The following ADRA1A variants were observed in gnomAD, a reference collection of about 807,000 sequenced individuals.
ADRA1A encodes the protein alpha-1A adrenergic receptor.
A neutral mutation model predicts 29.6 loss-of-function variants in ADRA1A; 31 were observed. The observed-to-expected ratio is 1.05, with a 90% CI of 0.79 to 1.41. The LOEUF is 1.41. ADRA1A is among the 40% of genes most tolerant of loss of function. ADRA1A has a pLI of 0.00. For synonymous variants in ADRA1A, 311 were observed against 254.3 expected, an observed-to-expected ratio of 1.22 and a Z score of -2.12; for missense variants, 619 against 601.1, an observed-to-expected ratio of 1.03 and a Z score of -0.31.
At chr8:26,813,489 T>TATCC (rs35199156) in intron 2 of ADRA1A, among the ~76,000 whole-genome samples, 15,440 of 149,882 alleles carry the variant, frequency 0.1, 900 homozygotes, top group Middle Eastern at 0.16. Context: ...CTCTTGCATC[T>TATCC]ATCCATCCAT....
At chr8:26,791,424 T>C (rs1240371954) in intron 2 of ADRA1A, among the ~76,000 whole-genome samples, 1 of 152,136 alleles carries the variant, frequency 6.6e-6, no homozygotes, top group Non-Finnish European at 1.5e-5. Context: ...CTTATACTTA[T>C]CCAGCAGTGA....
chr8:26,770,544 C>G lies in ADRA1A; in HGVS notation c.1006G>C (p.Ala336Pro). 6.2e-7 allele frequency: 1 copy of G among 1,614,130 alleles called. No homozygotes were observed. Among genetic ancestry groups the G allele is most frequent in the Non-Finnish European group, 8.5e-7 (1 of 1,180,016 alleles). The change falls in exon 3 of 3, where the codon GCC becomes CCC. Residue 336 changes from alanine to proline, a missense_variant. Transcript: ENST00000380573. Reference protein sequence around the residue: ...YPCSSQEFKKAFQNVLRIQCL... With the variant: ...YPCSSQEFKKPFQNVLRIQCL... ...TGGATTCTCAAGACATTCTGAAAGG[C>G]CTTTTTGAACTCTTGGCTGGAGCAT...
intron 2 of ADRA1A, among the ~76,000 whole-genome samples, chr8:26,838,958 C>T (rs2130688718): frequency 6.6e-6 from 1 of 152,278 alleles, no homozygotes; most frequent in East Asian, 1.9e-4. Context: ...TAGCTCTATC[C>T]TGGACAAGTC....
chr8:26,783,223 T>G (rs1297285779), intron 2 of ADRA1A, among the ~76,000 whole-genome samples: 3 of 152,180 alleles, frequency 2.0e-5, no homozygotes, highest in African/African-American at 4.8e-5. Flanking sequence ...ATATGAAAAC[T>G]TATTAGGCCC....
chr8:26,756,662 G>A, exon 3 of ADRA1A: 1 of 1,608,746 alleles, frequency 6.2e-7, no homozygotes, highest in Non-Finnish European at 8.5e-7. Context: ...GGCTCCTGGG[G>A]TGGATTCCAA....
At chr8:26,812,285 T>A (rs1304488734) in intron 2 of ADRA1A, among the ~76,000 whole-genome samples, 1 of 152,206 alleles carries the variant, frequency 6.6e-6, no homozygotes, top group Non-Finnish European at 1.5e-5. Flanking sequence ...ATTTTTCTTC[T>A]GAGGCTTTTC....
At chr8:26,766,424 C>T (rs1470895335), downstream of ADRA1A, among the ~76,000 whole-genome samples, 1 of 152,164 alleles carries the variant, frequency 6.6e-6, no homozygotes, top group Non-Finnish European at 1.5e-5. Flanking sequence ...TAATCACATT[C>T]CAGGCCATTA....
At chr8:26,822,891 CT>C (rs1810278786) in intron 2 of ADRA1A, among the ~76,000 whole-genome samples, 1 of 152,110 alleles carries the variant, frequency 6.6e-6, no homozygotes, top group South Asian at 2.1e-4. Flanking sequence ...GTGCCACACA[CT>C]TTTAATAAAC....
chr8:26,830,696 A>G (rs1294640814), intron 2 of ADRA1A, among the ~76,000 whole-genome samples: 1 of 152,206 alleles, frequency 6.6e-6, no homozygotes, highest in African/African-American at 2.4e-5. Context: ...CACAGTCATC[A>G]CAGCTGCCAA....
intron 2 of ADRA1A, among the ~76,000 whole-genome samples, chr8:26,774,598 G>A (rs1806407730): frequency 1.3e-5 from 2 of 151,834 alleles, no homozygotes; most frequent in Non-Finnish European, 2.9e-5. Context: ...GAGCCCGGGA[G>A]GTAGAAGTTG....
Position 26,831,425 on chromosome 8 carries a change from G to T in ADRA1A, c.883+32662C>A, listed in dbSNP as rs1810966015. Among the ~76,000 whole-genome samples the T allele has an allele frequency of 6.6e-6, 1 of 152,092 alleles. No individual in the cohort carries two copies. Among genetic ancestry groups the T allele is most frequent in the Non-Finnish European group, 1.5e-5 (1 of 68,020 alleles). On this transcript the variant is annotated intron_variant, in intron 2 of 2. Coordinates refer to ENST00000380573, the MANE Select transcript of ADRA1A (RefSeq NM_000680.4). This position sits in a 1 kb window ranked among gnomAD's most constrained non-coding sequence, Gnocchi z 5.2. The stretch of plus-strand genomic sequence containing the variant: ...GAGAGCCTGCTATGCCATGGCCAGT[G>T]CTCAAGTGGGCAGACTGATACTGAG...
intron 2 of ADRA1A, among the ~76,000 whole-genome samples, chr8:26,829,959 G>C (rs1337845592): frequency 6.6e-6 from 1 of 151,876 alleles, no homozygotes; most frequent in Admixed American, 6.6e-5. Context: ...GTGTGTGTCT[G>C]GGGGGTGGGG....
chr8:26,852,123 C>T (rs769517258), intron 2 of ADRA1A, among the ~76,000 whole-genome samples: 4 of 152,068 alleles, frequency 2.6e-5, no homozygotes, highest in Non-Finnish European at 5.9e-5. Flanking sequence ...GAACAAACAA[C>T]AACAACAACA....
Position 26,866,304 on chromosome 8 carries a change from C to T in ADRA1A, c.-687+632G>A, listed in dbSNP as rs193197914. ...GAAAGCGACCCAGGTCTGTCCACGA[C>T]GCCTTTCCAAGCCTCACTGTTGGCC... is the stretch of plus-strand genomic sequence containing the variant. On this transcript the variant is annotated intron_variant, in intron 1 of 2. Transcript: ENST00000380573. This position sits in a 1 kb window ranked among gnomAD's most constrained non-coding sequence, Gnocchi z 5.7. Among the ~76,000 whole-genome samples the T allele has an allele frequency of 2.4e-3, 368 of 152,298 alleles. 1 individual carries two copies. Among genetic ancestry groups the T allele is most frequent in the Non-Finnish European group, 3.7e-3 (253 of 68,020 alleles).
In ADRA1A at chr8:26,865,201, C is replaced by A; in HGVS notation, c.-232G>T. The stretch of plus-strand genomic sequence containing the variant: ...AGGGCATTAAAGACATGGCCAGGGG[C>A]GCGCGGGGCTGCCGGGGACCCTCTC... On this transcript the variant is annotated 5_prime_UTR_variant, in exon 2 of 3. Transcript: ENST00000380573. The surrounding 1 kb of genome is among the most constrained non-coding windows in gnomAD (Gnocchi z 7.6). 7.3e-7 allele frequency: 1 copy of A among 1,367,406 alleles called. No homozygotes were observed. Among genetic ancestry groups the A allele is most frequent in the Non-Finnish European group, 9.4e-7 (1 of 1,062,650 alleles). The allele number at this position is 1,367,406 out of a possible 1,614,324, so 84.7% of individuals were successfully genotyped here. A position where few individuals can be genotyped will look rare whatever the true frequency, so the allele number is the denominator to read the frequency against.
At position 26,843,319 on chromosome 8, in the gene ADRA1A, C is replaced by A. The variant is rs917886236; in HGVS notation, c.883+20768G>T. Among the ~76,000 whole-genome samples the A allele has an allele frequency of 2.6e-5, 4 of 152,210 alleles. No homozygotes were observed. The South Asian group carries it at 6.2e-4, about 24-fold the overall frequency. On this transcript the variant is annotated intron_variant, in intron 2 of 2. Transcript: ENST00000380573. Reference sequence around the variant, plus strand: ...CTGGATGTGACAACATCTGAGAGCTCAGTGAACATTAGACTCGCCTTGTTA... The same window carrying A: ...CTGGATGTGACAACATCTGAGAGCTAAGTGAACATTAGACTCGCCTTGTTA...
At chr8:26,845,277 G>A (rs1290380619) in intron 2 of ADRA1A, among the ~76,000 whole-genome samples, 1 of 152,126 alleles carries the variant, frequency 6.6e-6, no homozygotes, top group Non-Finnish European at 1.5e-5. Context: ...AATGGGCAAA[G>A]GATGTGAATA....
At chr8:26,853,891 T>C (rs1279389044) in intron 2 of ADRA1A, 3 of 152,196 alleles carry the variant, frequency 2.0e-5, no homozygotes, top group African/African-American at 7.2e-5. Flanking sequence ...AACAACAAAA[T>C]GCAAATAACC....
rs1810943167 is a variant in ADRA1A, at chr8:26,831,041, C to A, written c.883+33046G>T. ...TTCCTGGACTTTGGGGGACTGAGGT[C>A]TTTTATAGTTAAAGAAATATACTTA... On this transcript the variant is annotated intron_variant, in intron 2 of 2. Coordinates refer to ENST00000380573, the MANE Select transcript of ADRA1A (RefSeq NM_000680.4). The surrounding 1 kb of genome is among the most constrained non-coding windows in gnomAD (Gnocchi z 5.2). Among the ~76,000 whole-genome samples the A allele has an allele frequency of 6.6e-6, 1 of 152,114 alleles. No individual in the cohort carries two copies. The highest frequency in any genetic ancestry group is 1.5e-5 in the Non-Finnish European group (1 of 68,034).
Sources: gnomAD v4.1 joint callset for allele counts (sites outside exome capture counted in the v4.1 genomes callset) on GRCh38, gnomAD v4.1.1 for gene constraint, Gnocchi (gnomAD v3.1) non-coding constraint, MANE v1.5 for transcripts, NCBI Gene and HGNC (gene_info 2026-07-23, HGNC 2026-07-21) for gene names.